The following PSMD1 variants were observed in gnomAD, a reference collection of about 807,000 sequenced individuals.
PSMD1 encodes the protein proteasome 26S subunit, non-ATPase 1.
A neutral mutation model predicts 119.0 loss-of-function variants in PSMD1; 18 were observed. The observed-to-expected ratio is 0.15, with a 90% CI of 0.10 to 0.22. The LOEUF (loss-of-function observed/expected upper bound fraction) is 0.22. Ranked by LOEUF, PSMD1 falls within the 10% of genes least tolerant of loss-of-function variation. The probability of loss-of-function intolerance (pLI) is 1.00; values close to 1 mark genes in which losing one functional copy is unlikely to be tolerated. For synonymous variants in PSMD1, 374 were observed against 396.6 expected (o/e 0.94, Z 0.68); for missense variants, 702 against 1,158.5 (o/e 0.61, Z 5.72).
At position 231,138,716 on chromosome 2, in the gene PSMD1, C is replaced by T. The variant is rs777264815; in HGVS notation, c.1884-20C>T. On this transcript the variant is annotated intron_variant, in intron 16 of 24. Coordinates refer to ENST00000308696, the MANE Select transcript of PSMD1 (RefSeq NM_002807.4). ...AATAGATTACCTATAACAGTGGCTT[C>T]GCTTTCTGTTTCTTATCAGAACCCC... 1.3e-5 allele frequency: 21 copies of T among 1,570,030 alleles called. No individual in the cohort carries two copies. Among genetic ancestry groups the T allele is most frequent in the Admixed American group, 3.3e-5 (2 of 59,974 alleles).
chr2:231,064,060 G>T (rs1156598131), intron 4 of PSMD1, among the ~76,000 whole-genome samples: 1 of 152,126 alleles, frequency 6.6e-6, no homozygotes, highest in African/African-American at 2.4e-5. Context: ...TTTTAAACTG[G>T]ACTGTTGGTA....
At chr2:231,145,946 TTTTC>T (rs1696242346) in intron 17 of PSMD1, among the ~76,000 whole-genome samples, 1 of 151,782 alleles carries the variant, frequency 6.6e-6, no homozygotes, top group African/African-American at 2.4e-5. Flanking sequence ...CAAAAATATT[TTTTC>T]TTTATGTTCT....
intron 16 of PSMD1, among the ~76,000 whole-genome samples, chr2:231,102,029 A>G (rs920244487): frequency 8.5e-5 from 13 of 152,186 alleles, no homozygotes; most frequent in African/African-American, 2.9e-4. Context: ...TGTGTTGCCC[A>G]GGCTCATCTT....
chr2:231,104,774 G>A (rs897878947), intron 16 of PSMD1, among the ~76,000 whole-genome samples: 5 of 152,146 alleles, frequency 3.3e-5, no homozygotes, highest in African/African-American at 1.2e-4. Flanking sequence ...TTGAGTGGCT[G>A]TGATAAAACA....
intron 16 of PSMD1, among the ~76,000 whole-genome samples, 162 bp from the exon 17 acceptor site, chr2:231,138,574 T>C (rs997774177): frequency 2.6e-5 from 4 of 152,254 alleles, no homozygotes; most frequent in African/African-American, 9.6e-5. Flanking sequence ...ATTTCTTCTA[T>C]CAATAATTAG....
intron 19 of PSMD1, among the ~76,000 whole-genome samples, chr2:231,156,662 CTT>C (rs1696514032): frequency 6.6e-6 from 1 of 151,754 alleles, no homozygotes; most frequent in African/African-American, 2.4e-5. Flanking sequence ...CTTTTTCATT[CTT>C]TTTCTTTTTA....
At chr2:231,076,288 T>A (rs1694164621) in intron 8 of PSMD1, among the ~76,000 whole-genome samples, 1 of 152,230 alleles carries the variant, frequency 6.6e-6, no homozygotes, top group Admixed American at 6.5e-5. Flanking sequence ...CAGTGGTCTG[T>A]TGGACTTTTG....
intron 2 of PSMD1, among the ~76,000 whole-genome samples, chr2:231,061,793 C>T (rs1333830647): frequency 6.6e-6 from 1 of 152,090 alleles, no homozygotes; most frequent in Non-Finnish European, 1.5e-5. Flanking sequence ...CAAACTCCTG[C>T]TCCTGGGCTC....
In PSMD1 at chr2:231,083,551, A is replaced by G; in HGVS notation, c.1526-16A>G. 1 of 1,613,644 alleles carries G rather than the reference A, an allele frequency of 6.2e-7. No individual in the cohort carries two copies. The highest frequency in any genetic ancestry group is 8.5e-7 in the Non-Finnish European group (1 of 1,179,542). The stretch of plus-strand genomic sequence containing the variant: ...AAACATAACTCTCTGTTAACATTTT[A>G]CTCGTTACTTGCCAGGGGAAGCAGC... On this transcript the variant is annotated splice_polypyrimidine_tract_variant and intron_variant, in intron 13 of 24. Transcript: ENST00000308696.
intron 16 of PSMD1, among the ~76,000 whole-genome samples, chr2:231,104,101 A>AGTT (rs60440887): frequency 0.49 from 74,475 of 151,704 alleles, 21,702 homozygotes; most frequent in African/African-American, 0.81. Context: ...GTTTCCTGTC[A>AGTT]GTTAATGTTT....
rs1425483920 is a variant in PSMD1, at chr2:231,097,288, CTAT to C, written c.1883+10112_1883+10114del. 2.0e-5 allele frequency among the ~76,000 whole-genome samples: 3 copies of C among 152,266 alleles called. No individual in the cohort carries two copies. In the East Asian group the frequency reaches 5.8e-4, roughly 29 times the overall value. The stretch of plus-strand genomic sequence containing the variant: ...GCAGTGAGGGAAATAAGAATTGAGG[CTAT>C]TATTCCTTTCCATTTACTGAACTAC... On this transcript the variant is annotated intron_variant, in intron 16 of 24. Coordinates refer to ENST00000308696, the MANE Select transcript of PSMD1 (RefSeq NM_002807.4).
At chr2:231,169,293 C>T (rs999614593) in intron 23 of PSMD1, among the ~76,000 whole-genome samples, 2 of 152,078 alleles carry the variant, frequency 1.3e-5, no homozygotes, top group African/African-American at 2.4e-5. Flanking sequence ...CTCATGTGAA[C>T]GTGGATATTT....
In PSMD1 at chr2:231,154,224, G is replaced by A. The variant is rs575193395; in HGVS notation, c.2218+558G>A. ...AGGCAGGTGGATCACCTGAGGTCAG[G>A]AGTTCAAGACCAGCCTGGCCAACAA... On this transcript the variant is annotated intron_variant, in intron 19 of 24. Coordinates refer to ENST00000308696, the MANE Select transcript of PSMD1 (RefSeq NM_002807.4). 9.1e-4 allele frequency among the ~76,000 whole-genome samples: 139 copies of A among 152,228 alleles called. 1 individual carries two copies. Among genetic ancestry groups the A allele is most frequent in the African/African-American group, 3.1e-3 (127 of 41,542 alleles).
chr2:231,116,522 A>T (rs764949715), intron 16 of PSMD1, among the ~76,000 whole-genome samples: 1 of 152,002 alleles, frequency 6.6e-6, no homozygotes, highest in Non-Finnish European at 1.5e-5. Flanking sequence ...AGGTTTGGAA[A>T]ATTCTAGTCA....
chr2:231,066,875 A>C (rs1693920781), intron 4 of PSMD1, 31 bp from the exon 5 acceptor site: 1 of 1,525,000 alleles, frequency 6.6e-7, no homozygotes, highest in South Asian at 1.3e-5. Context: ...CCCAATTTAC[A>C]AGATAATCAG....
intron 16 of PSMD1, among the ~76,000 whole-genome samples, chr2:231,122,136 A>C (rs1695566484): frequency 6.6e-6 from 1 of 152,134 alleles, no homozygotes; most frequent in East Asian, 1.9e-4. Context: ...AAACAGGGAG[A>C]TAGAAAGACT....
At chr2:231,155,371 T>G (rs1321711063) in intron 19 of PSMD1, among the ~76,000 whole-genome samples, 3 of 152,192 alleles carry the variant, frequency 2.0e-5, no homozygotes, top group African/African-American at 7.2e-5. Context: ...GAAGCTGCTA[T>G]TAATTTGATA....
rs556394620 is a variant in PSMD1, at chr2:231,171,481, T to C, written c.*9+760T>C. On this transcript the variant is annotated intron_variant, in intron 24 of 24. Transcript: ENST00000308696. ...TTTTCTTTTGAGTGTTCATCACATA[T>C]TTGAAGACATTGTGAGACATAATCA... Among the ~76,000 whole-genome samples the C allele has an allele frequency of 5.9e-5, 9 of 152,300 alleles. 1 individual carries two copies. The highest frequency in any genetic ancestry group is 5.2e-4 in the Admixed American group (8 of 15,296).
intron 9 of PSMD1, among the ~76,000 whole-genome samples, chr2:231,077,995 C>T (rs999634601): frequency 6.6e-6 from 1 of 152,212 alleles, no homozygotes; most frequent in Non-Finnish European, 1.5e-5. Context: ...TGACCAGGCA[C>T]GATGGCTTAC....
Sources: allele counts gnomAD v4.1 joint callset (sites outside exome capture counted in the v4.1 genomes callset), GRCh38; gene constraint gnomAD v4.1.1; transcripts MANE v1.5; gene names NCBI Gene and HGNC (gene_info 2026-07-23, HGNC 2026-07-21).